The following AKAP7 variants were observed in gnomAD, a reference collection of about 807,000 sequenced individuals.
AKAP7 encodes A kinase (PRKA) anchor protein 7.
AKAP7 carries 39 observed loss-of-function variants against 39.5 expected under a neutral mutation model. The ratio of observed to expected loss-of-function variants is 0.99; its 90% CI spans 0.76 to 1.29. AKAP7 has a LOEUF of 1.29. Ranked by LOEUF, AKAP7 falls within the 50% of genes most tolerant of loss-of-function variation. The pLI is 0.00. For synonymous variants in AKAP7, 140 were observed against 139.1 expected (o/e 1.01, Z -0.05); for missense variants, 414 against 407.7 (o/e 1.02, Z -0.13).
At chr6:131,213,689 T>C (rs1201683819) in intron 6 of AKAP7, among the ~76,000 whole-genome samples, 1 of 152,186 alleles carries the variant, frequency 6.6e-6, no homozygotes, top group East Asian at 1.9e-4. Context: ...TGTTTCATTA[T>C]ACTGAGAAAA....
At chr6:131,170,919 C>G (rs573258003) in intron 5 of AKAP7, among the ~76,000 whole-genome samples, 11 of 152,124 alleles carry the variant, frequency 7.2e-5, no homozygotes, top group Non-Finnish European at 1.6e-4. Context: ...TAGAAGATTT[C>G]TGTTATGTAC....
intron 1 of AKAP7, 150 bp downstream of exon 1, chr6:131,135,932 G>A: frequency 2.2e-6 from 2 of 928,776 alleles, no homozygotes; most frequent in Non-Finnish European, 2.8e-6. Context: ...GGGTAGCACC[G>A]AGAAGCCCGG....
intron 7 of AKAP7, among the ~76,000 whole-genome samples, chr6:131,262,670 G>C (rs1453989868): frequency 6.6e-6 from 1 of 151,794 alleles, no homozygotes; most frequent in Non-Finnish European, 1.5e-5. Flanking sequence ...ACGTTTCCAA[G>C]GAAAACTCTC....
At chr6:131,172,923 G>A (rs1260086840) in intron 5 of AKAP7, among the ~76,000 whole-genome samples, 1 of 152,106 alleles carries the variant, frequency 6.6e-6, no homozygotes, top group African/African-American at 2.4e-5. Context: ...TTGGCTGGGT[G>A]CGGCGGCTCA....
intron 7 of AKAP7, among the ~76,000 whole-genome samples, chr6:131,263,560 G>A (rs947885686): frequency 6.6e-6 from 1 of 152,144 alleles, no homozygotes; most frequent in African/African-American, 2.4e-5. Context: ...CTATACAAAC[G>A]AAAGCAGCAT....
intron 7 of AKAP7, among the ~76,000 whole-genome samples, chr6:131,275,863 G>T (rs1432613115): frequency 1.3e-5 from 2 of 152,220 alleles, no homozygotes; most frequent in African/African-American, 4.8e-5. Flanking sequence ...GGCCTGAAGG[G>T]TTCATAATGC....
At chr6:131,213,861 G>C (rs1440379874) in intron 6 of AKAP7, among the ~76,000 whole-genome samples, 1 of 152,160 alleles carries the variant, frequency 6.6e-6, no homozygotes, top group Admixed American at 6.5e-5. Context: ...TAAAGGCATT[G>C]CAGTGTTCTA....
chr6:131,192,538 TTC>T (rs1383414953), intron 5 of AKAP7, among the ~76,000 whole-genome samples: 1 of 152,228 alleles, frequency 6.6e-6, no homozygotes, highest in Non-Finnish European at 1.5e-5. Flanking sequence ...TCCAGCTTTG[TTC>T]TCTCAGGATA....
intron 7 of AKAP7, among the ~76,000 whole-genome samples, chr6:131,258,086 C>G (rs1252342481): frequency 6.6e-6 from 1 of 152,166 alleles, no homozygotes; most frequent in Admixed American, 6.5e-5. Context: ...AGTGAGAGTT[C>G]TCTGACTTAC....
At chr6:131,219,855 T>C (rs1809550479) in intron 7 of AKAP7, 47 bp downstream of exon 7, 11 of 1,320,630 alleles carry the variant, frequency 8.3e-6, no homozygotes, top group Non-Finnish European at 1.0e-5. Context: ...TTTAATTTTT[T>C]TGGCATCACT....
In AKAP7 at chr6:131,226,400, A is replaced by G. The variant is rs537268643; in HGVS notation, c.850+6592A>G. ...TTTCATGCTCAAAGCTTTGGGTGAC[A>G]TTATGCCTGCTTGTCATTGGGCTAT... On this transcript the variant is annotated intron_variant, in intron 7 of 7. Coordinates refer to ENST00000431975, the MANE Select transcript of AKAP7 (RefSeq NM_016377.4). 3.3e-5 allele frequency among the ~76,000 whole-genome samples: 5 copies of G among 152,360 alleles called. No individual in the cohort carries two copies. The South Asian group carries it at 8.3e-4, about 25-fold the overall frequency.
intron 7 of AKAP7, among the ~76,000 whole-genome samples, chr6:131,270,974 C>A (rs891663836): frequency 1.3e-5 from 2 of 152,056 alleles, no homozygotes; most frequent in African/African-American, 2.4e-5. Context: ...GCTACAAGTT[C>A]TTTAATAGAT....
At position 131,169,147 on chromosome 6, in the gene AKAP7, A is replaced by G. The variant is rs780563927; in HGVS notation, c.463A>G (p.Ile155Val). Residue 155 changes from isoleucine to valine, a missense_variant, in exon 5 of 8, where the codon ATA (isoleucine) becomes GTA (valine). Coordinates refer to ENST00000431975, the MANE Select transcript of AKAP7 (RefSeq NM_016377.4). Reference protein sequence around the residue: ...IDALLELKPFIEELLQGKHLT... With the variant: ...IDALLELKPFVEELLQGKHLT... ...TGCTCTTTTGGAATTGAAACCATTC[A>G]TAGAAGAACTCCTCCAGGGAAAACA... 3 of 1,613,444 alleles carry G rather than the reference A, an allele frequency of 1.9e-6. No individual in the cohort carries two copies. The highest frequency in any genetic ancestry group is 1.1e-5 in the South Asian group (1 of 91,060).
intron 2 of AKAP7, 93 bp downstream of exon 2, chr6:131,145,509 T>C (rs1584940373): frequency 2.5e-6 from 2 of 814,668 alleles, no homozygotes; most frequent in Non-Finnish European, 3.3e-6. Flanking sequence ...TGTTTCACTT[T>C]TAATACTTAT....
intron 4 of AKAP7, among the ~76,000 whole-genome samples, chr6:131,166,926 G>A (rs928294308): frequency 4.6e-5 from 7 of 151,440 alleles, no homozygotes; most frequent in Non-Finnish European, 1.0e-4. Context: ...ACTGATCAGT[G>A]GATTGGATAT....
At position 131,199,412 on chromosome 6, in the gene AKAP7, A is replaced by G. The variant is rs1807294998; in HGVS notation, c.590-49A>G. 3.1e-6 allele frequency: 4 copies of G among 1,272,562 alleles called. No homozygotes were observed. In the South Asian group the frequency reaches 5.2e-5, roughly 17 times the overall value. The allele number at this position is 1,272,562 out of a possible 1,614,324, so 78.8% of individuals were successfully genotyped here. ...GTATTTTTTTTTACAGTTAAAAAGA[A>G]CTGAAAATACTGTAGTAGCATTTCT... On this transcript the variant is annotated intron_variant, in intron 5 of 7. Transcript: ENST00000431975.
At chr6:131,172,757 T>C (rs1263003156) in intron 5 of AKAP7, among the ~76,000 whole-genome samples, 4 of 152,318 alleles carry the variant, frequency 2.6e-5, no homozygotes, top group South Asian at 2.1e-4. Flanking sequence ...CTTTGTAGAA[T>C]TGATATTACA....
At chr6:131,181,095 C>G (rs895589008) in intron 5 of AKAP7, among the ~76,000 whole-genome samples, 3 of 152,082 alleles carry the variant, frequency 2.0e-5, no homozygotes, top group African/African-American at 7.2e-5. Flanking sequence ...GCCACCATGC[C>G]TGGCTAATTT....
intron 7 of AKAP7, among the ~76,000 whole-genome samples, chr6:131,238,386 A>G (rs893301779): frequency 3.3e-5 from 5 of 152,150 alleles, no homozygotes; most frequent in African/African-American, 9.7e-5. Context: ...TATTCTGTTG[A>G]TTTGGGGTAG....
Sources: gnomAD v4.1 joint callset for allele counts (sites outside exome capture counted in the v4.1 genomes callset) on GRCh38, gnomAD v4.1.1 for gene constraint, MANE v1.5 for transcripts, NCBI Gene and HGNC (gene_info 2026-07-23, HGNC 2026-07-21) for gene names.